TMED10: variants seen among roughly 807,000 people sequenced by gnomAD.
The protein encoded by TMED10 is transmembrane p24 trafficking protein 10.
A neutral mutation model predicts 23.1 loss-of-function variants in TMED10; 7 were observed. The observed-to-expected ratio is 0.30, with a 90% confidence interval of 0.17 to 0.57. The LOEUF is 0.57. Among genes scored for constraint, TMED10 ranks in the 20% least tolerant of loss-of-function variants. The pLI, the probability that TMED10 is intolerant of heterozygous loss-of-function variation, is 0.91. For missense variants in TMED10, 162 were observed against 274.8 expected (o/e 0.59, Z 2.90); for synonymous variants, 113 against 106.9 (o/e 1.06, Z -0.35).
At chr14:75,150,956 G>A (rs1895948725) in intron 2 of TMED10, among the ~76,000 whole-genome samples, 1 of 152,224 alleles carries the variant, frequency 6.6e-6, no homozygotes, top group Non-Finnish European at 1.5e-5. Flanking sequence ...AGGCTGCAGT[G>A]CAGTGGTACG....
At chr14:75,139,435 G>A (rs1895794641) in intron 3 of TMED10, among the ~76,000 whole-genome samples, 1 of 152,064 alleles carries the variant, frequency 6.6e-6, no homozygotes, top group Non-Finnish European at 1.5e-5. Flanking sequence ...TAACCAAACA[G>A]TCAAATTCCT....
chr14:75,167,240 G>A (rs942659699), intron 1 of TMED10, among the ~76,000 whole-genome samples: 10 of 151,926 alleles, frequency 6.6e-5, no homozygotes, highest in African/African-American at 7.3e-5. Context: ...ACGCCCAGCC[G>A]AAGCATCCTA....
intron 3 of TMED10, among the ~76,000 whole-genome samples, chr14:75,140,375 A>T (rs1895807091): frequency 6.6e-6 from 1 of 152,022 alleles, no homozygotes; most frequent in African/African-American, 2.4e-5. Context: ...CTGGGATTAC[A>T]GGCGTGAGCC....
At chr14:75,136,341 T>C (rs2139829937) in intron 3 of TMED10, among the ~76,000 whole-genome samples, 1 of 152,246 alleles carries the variant, frequency 6.6e-6, no homozygotes, top group South Asian at 2.1e-4. Flanking sequence ...ATACTTTTTC[T>C]AGAGATGGGG....
At position 75,131,608 on chromosome 14, in the gene TMED10, G is replaced by GTTAA. The variant is rs1368545614; in HGVS notation, c.*3276_*3277insTTAA. ...CTTTATGACAGGGGTCCATGACAATGGTATAACAAGGCTTACTTAAACTGC... is the reference window on the plus strand; with the variant it reads ...CTTTATGACAGGGGTCCATGACAATGTTAAGTATAACAAGGCTTACTTAAACTGC... On this transcript the variant is annotated 3_prime_UTR_variant, in exon 5 of 5. Transcript: ENST00000303575. 1 of 152,458 alleles carries GTTAA rather than the reference G, an allele frequency of 6.6e-6. No individual in the cohort carries two copies. The highest frequency in any genetic ancestry group is 1.5e-5 in the Non-Finnish European group (1 of 68,022). 9.4% of individuals were successfully genotyped at this position (152,458 alleles called of 1,614,324 possible).
At chr14:75,152,719 G>T (rs560074379) in intron 1 of TMED10, among the ~76,000 whole-genome samples, 1 of 152,266 alleles carries the variant, frequency 6.6e-6, no homozygotes, top group Admixed American at 6.5e-5. Context: ...GGTAGAGTGG[G>T]AACAAAACAC....
intron 1 of TMED10, 50 bp downstream of exon 1, chr14:75,176,305 G>T: frequency 6.2e-7 from 1 of 1,606,140 alleles, no homozygotes; most frequent in Non-Finnish European, 8.5e-7. Flanking sequence ...GCCTCCCCTC[G>T]CCTAAGCCTG....
At chr14:75,140,435 T>C (rs1895808401) in intron 3 of TMED10, among the ~76,000 whole-genome samples, 1 of 151,400 alleles carries the variant, frequency 6.6e-6, no homozygotes, top group African/African-American at 2.4e-5. Context: ...TAGCCAGGTG[T>C]GGTGGCTCAC....
intron 1 of TMED10, among the ~76,000 whole-genome samples, chr14:75,171,569 C>T (rs1046909023): frequency 2.6e-5 from 4 of 152,084 alleles, no homozygotes; most frequent in African/African-American, 9.7e-5. Flanking sequence ...CGAGAGCCAC[C>T]GCGCCCAGCC....
rs1555355322 is a variant in TMED10 at position 75,132,394 on chromosome 14, C to CCCG, written c.*2490_*2491insCGG. The CCCG allele has an allele frequency of 8.3e-6, 1 of 120,694 alleles. No individual in the cohort carries two copies. The highest frequency in any genetic ancestry group is 1.8e-5 in the Non-Finnish European group (1 of 54,204). 7.5% of individuals were successfully genotyped at this position (120,694 alleles called of 1,614,324 possible). On this transcript the variant is annotated 3_prime_UTR_variant, in exon 5 of 5. Coordinates refer to ENST00000303575, the MANE Select transcript of TMED10 (RefSeq NM_006827.6). ...TGCAGCAAGACTCCGTCCCCCCCCCCCCAAAAAAAAAAAAGTTTAAGGATG... is the reference window on the plus strand; with the variant it reads ...TGCAGCAAGACTCCGTCCCCCCCCCCCCGCCAAAAAAAAAAAAGTTTAAGGATG...
intron 1 of TMED10, among the ~76,000 whole-genome samples, chr14:75,157,600 T>C (rs1264138250): frequency 6.6e-6 from 1 of 150,422 alleles, no homozygotes; most frequent in East Asian, 2.0e-4. Context: ...CAGTGAGCTG[T>C]GATTGTGCCA....
At chr14:75,162,914 C>T (rs1163816233) in intron 1 of TMED10, among the ~76,000 whole-genome samples, 3 of 151,972 alleles carry the variant, frequency 2.0e-5, no homozygotes, top group African/African-American at 7.3e-5. Flanking sequence ...GGGCAACCTA[C>T]AAAATACCTG....
intron 2 of TMED10, 48 bp downstream of exon 2, chr14:75,151,984 A>C: frequency 6.8e-7 from 1 of 1,477,738 alleles, no homozygotes; most frequent in Middle Eastern, 1.8e-4. Flanking sequence ...AAGGAGCATT[A>C]GAGTTGGAGA....
chr14:75,173,040 T>G (rs1594877220), intron 1 of TMED10, among the ~76,000 whole-genome samples: 1 of 152,164 alleles, frequency 6.6e-6, no homozygotes, highest in East Asian at 1.9e-4. Context: ...CTGATGAAAT[T>G]TAAAAGTCTG....
intron 1 of TMED10, among the ~76,000 whole-genome samples, chr14:75,160,835 A>G (rs962342938): frequency 6.6e-6 from 1 of 152,160 alleles, no homozygotes; most frequent in African/African-American, 2.4e-5. Context: ...ATTTGAGGTC[A>G]GGAGTTTGAG....
At chr14:75,151,666 T>C (rs1053332501) in intron 2 of TMED10, among the ~76,000 whole-genome samples, 1 of 152,240 alleles carries the variant, frequency 6.6e-6, no homozygotes, top group African/African-American at 2.4e-5. Context: ...GGTACATTCA[T>C]TACAAATGAT....
intron 3 of TMED10, among the ~76,000 whole-genome samples, chr14:75,147,060 C>G (rs1225532178): frequency 2.0e-5 from 3 of 152,148 alleles, no homozygotes; most frequent in Admixed American, 2.0e-4. Flanking sequence ...AAATATCTCT[C>G]TCTACACACA....
chr14:75,145,907 G>A (rs1038787408), intron 3 of TMED10, among the ~76,000 whole-genome samples: 1 of 152,188 alleles, frequency 6.6e-6, no homozygotes, highest in Non-Finnish European at 1.5e-5. Context: ...GGGAACAGAA[G>A]CAGTAACCAC....
intron 3 of TMED10, among the ~76,000 whole-genome samples, chr14:75,144,394 G>T (rs889099408): frequency 6.6e-6 from 1 of 152,126 alleles, no homozygotes; most frequent in Non-Finnish European, 1.5e-5. Flanking sequence ...TTATTTCCGA[G>T]GACAAAGGCA....
Sources: allele counts gnomAD v4.1 joint callset (sites outside exome capture counted in the v4.1 genomes callset), GRCh38; gene constraint gnomAD v4.1.1; transcripts MANE v1.5; gene names NCBI Gene and HGNC (gene_info 2026-07-23, HGNC 2026-07-21).